The following ROBO2 variants were observed in gnomAD, a reference collection of about 807,000 sequenced individuals.
ROBO2 encodes roundabout guidance receptor 2.
A neutral mutation model predicts 160.8 loss-of-function variants in ROBO2; 53 were observed. The observed-to-expected ratio is 0.33, with a 90% CI of 0.26 to 0.41. The LOEUF (loss-of-function observed/expected upper bound fraction) is 0.41, where lower values mean the gene tolerates loss of function less well. ROBO2 is among the 10% of genes least tolerant of loss of function. ROBO2 has a pLI of 1.00. For synonymous variants in ROBO2, 664 were observed against 611.7 expected, an observed-to-expected ratio of 1.09 and a Z score of -1.26; for missense variants, 1,577 against 1,722.4, an observed-to-expected ratio of 0.92 and a Z score of 1.49.
At chr3:77,447,120 A>G (rs2080610711) in intron 2 of ROBO2, among the ~76,000 whole-genome samples, 1 of 152,122 alleles carries the variant, frequency 6.6e-6, no homozygotes, top group Non-Finnish European at 1.5e-5. Flanking sequence ...TTGCTAGCTG[A>G]GGGAAGTTTT....
chr3:75,929,172 CGTGTG>C (rs1297564994), intron 1 of ROBO2, among the ~76,000 whole-genome samples: 58 of 113,652 alleles, frequency 5.1e-4, no homozygotes, highest in Non-Finnish European at 8.1e-4. Flanking sequence ...CTGGATAAGA[CGTGTG>C]TGTGTGTGTG....
rs1430097242 is a variant in ROBO2, at chr3:76,506,358, T to A, written c.109+568756T>A. On this transcript the variant is annotated intron_variant, in intron 2 of 26. Coordinates refer to the ROBO2 transcript ENST00000487694. ...TTGACCTCTACCTAATCTTCTAGTC[T>A]ATATTGTGCTGTGCCCGAGTGGCAC... Among the ~76,000 whole-genome samples the A allele has an allele frequency of 3.3e-5, 5 of 152,300 alleles. No individual in the cohort carries two copies. The South Asian group carries it at 8.3e-4, about 25-fold the overall frequency.
At chr3:76,612,229 T>C (rs144086348) in intron 2 of ROBO2, among the ~76,000 whole-genome samples, 1,750 of 152,274 alleles carry the variant, frequency 0.011, 35 homozygotes, top group African/African-American at 0.039. Flanking sequence ...GTGTATTCTG[T>C]AGCTGTTGGA....
At chr3:76,057,000 C>T (rs2067871845) in intron 2 of ROBO2, among the ~76,000 whole-genome samples, 1 of 152,070 alleles carries the variant, frequency 6.6e-6, no homozygotes, top group South Asian at 2.1e-4. Flanking sequence ...ATGTTATTTA[C>T]CTGAATATTC....
At chr3:76,478,127 T>C (rs929018951) in intron 2 of ROBO2, among the ~76,000 whole-genome samples, 4 of 150,084 alleles carry the variant, frequency 2.7e-5, no homozygotes, top group Non-Finnish European at 4.4e-5. Context: ...GCTGCACCCA[T>C]TAACTCATCA....
intron 2 of ROBO2, among the ~76,000 whole-genome samples, chr3:77,117,957 A>C (rs530219916): frequency 3.9e-5 from 6 of 152,330 alleles, no homozygotes; most frequent in African/African-American, 1.2e-4. Context: ...ACCTTTGTTC[A>C]CAAAATAAGG....
intron 2 of ROBO2, among the ~76,000 whole-genome samples, chr3:76,940,975 A>C (rs1030401778): frequency 3.9e-5 from 6 of 152,200 alleles, no homozygotes; most frequent in Admixed American, 1.3e-4. Context: ...ACGTATTTAA[A>C]TTGAAGCCTT....
intron 2 of ROBO2, among the ~76,000 whole-genome samples, chr3:75,973,873 A>G (rs777181554): frequency 1.3e-5 from 2 of 151,550 alleles, no homozygotes; most frequent in Admixed American, 6.6e-5. Flanking sequence ...AGAAGATTAA[A>G]ATTAATTACC....
intron 2 of ROBO2, among the ~76,000 whole-genome samples, chr3:76,879,801 G>A (rs1303779412): frequency 1.3e-5 from 2 of 152,048 alleles, no homozygotes; most frequent in African/African-American, 4.8e-5. Context: ...AAACCATTGT[G>A]TTCTAAACTG....
chr3:76,084,146 T>A (rs1259419536), intron 2 of ROBO2, among the ~76,000 whole-genome samples: 2 of 152,118 alleles, frequency 1.3e-5, no homozygotes, highest in African/African-American at 2.4e-5. Flanking sequence ...TGCCATGTTG[T>A]AATCATAAAA....
At chr3:77,117,247 T>C (rs2074300275) in intron 2 of ROBO2, among the ~76,000 whole-genome samples, 1 of 152,346 alleles carries the variant, frequency 6.6e-6, no homozygotes, top group South Asian at 2.1e-4. Flanking sequence ...AATAAAAATA[T>C]TACTTGTTTC....
chr3:76,732,101 G>A (rs2093646209), intron 2 of ROBO2, among the ~76,000 whole-genome samples: 1 of 152,126 alleles, frequency 6.6e-6, no homozygotes, highest in South Asian at 2.1e-4. Flanking sequence ...AAACTGGAAG[G>A]AAGGAATGGC....
intron 2 of ROBO2, among the ~76,000 whole-genome samples, chr3:77,004,621 T>C (rs1016365666): frequency 2.0e-5 from 3 of 152,194 alleles, no homozygotes; most frequent in African/African-American, 7.2e-5. Context: ...ATTCATGCTT[T>C]TGGGACCAAA....
At chr3:77,139,916 C>T (rs766124507) in intron 2 of ROBO2, among the ~76,000 whole-genome samples, 4 of 152,150 alleles carry the variant, frequency 2.6e-5, no homozygotes, top group Non-Finnish European at 5.9e-5. Flanking sequence ...AGATGACATG[C>T]TTGTCAACAC....
chr3:77,619,483 G>A (rs772017714), intron 22 of ROBO2, among the ~76,000 whole-genome samples: 1 of 152,142 alleles, frequency 6.6e-6, no homozygotes, highest in African/African-American at 2.4e-5. Context: ...TCCAAAAGTA[G>A]AGCTTCCAGT....
At chr3:77,279,326 C>T (rs1435735074) in intron 2 of ROBO2, among the ~76,000 whole-genome samples, 3 of 152,014 alleles carry the variant, frequency 2.0e-5, no homozygotes, top group South Asian at 4.1e-4. Flanking sequence ...AACTTAATGA[C>T]GGCATTGCTT....
intron 2 of ROBO2, among the ~76,000 whole-genome samples, chr3:77,457,347 G>A (rs779414025): frequency 1.3e-5 from 2 of 152,032 alleles, no homozygotes; most frequent in Non-Finnish European, 2.9e-5. Context: ...ACCAGCAATA[G>A]CTATATAATA....
At chr3:76,145,482 C>T (rs762405650) in intron 2 of ROBO2, among the ~76,000 whole-genome samples, 5 of 151,856 alleles carry the variant, frequency 3.3e-5, no homozygotes, top group Admixed American at 1.3e-4. Context: ...AACTATTCTC[C>T]ACTTTGTCTT....
chr3:76,474,303 C>G (rs932001330), intron 2 of ROBO2, among the ~76,000 whole-genome samples: 1 of 152,040 alleles, frequency 6.6e-6, no homozygotes, highest in African/African-American at 2.4e-5. Flanking sequence ...CTAGATTTAT[C>G]TTAGTTAAAT....
Sources: allele counts gnomAD v4.1 joint callset (sites outside exome capture counted in the v4.1 genomes callset), GRCh38; gene constraint gnomAD v4.1.1; transcripts MANE v1.5; gene names NCBI Gene and HGNC (gene_info 2026-07-23, HGNC 2026-07-21).